Variants in NINJ2 observed in about 807,000 individuals in gnomAD.
NINJ2 encodes the protein ninjurin-2.
In NINJ2, 12 loss-of-function variants were observed where a neutral mutation model predicts 11.7. The ratio of observed to expected loss-of-function variants is 1.02; its 90% CI spans 0.66 to 1.66. The LOEUF (loss-of-function observed/expected upper bound fraction) is 1.66. Ranked by LOEUF, NINJ2 falls within the 40% of genes most tolerant of loss-of-function variation. NINJ2 has a pLI of 0.00. For synonymous variants in NINJ2, 93 were observed against 76.8 expected, an observed-to-expected ratio of 1.21 and a Z score of -1.10; for missense variants, 187 against 181.8, an observed-to-expected ratio of 1.03 and a Z score of -0.16.
At chr12:639,574 C>A (rs189266781) in intron 1 of NINJ2, among the ~76,000 whole-genome samples, 1 of 152,112 alleles carries the variant, frequency 6.6e-6, no homozygotes, top group East Asian at 1.9e-4. Flanking sequence ...GTCCCCATTG[C>A]CACCCTAACC....
intron 1 of NINJ2, chr12:643,677 G>C: frequency 1.0e-6 from 1 of 987,998 alleles, no homozygotes; most frequent in Non-Finnish European, 1.2e-6. Flanking sequence ...GCGGTCGTTT[G>C]AGCCACGCCT....
At chr12:623,249 A>G (rs1013270162) in intron 1 of NINJ2, among the ~76,000 whole-genome samples, 4 of 152,162 alleles carry the variant, frequency 2.6e-5, no homozygotes, top group Admixed American at 6.5e-5. Flanking sequence ...TTTCTGTCCT[A>G]GGAGCTGTGG....
At chr12:618,729 C>T (rs1948121700) in intron 1 of NINJ2, among the ~76,000 whole-genome samples, 1 of 152,218 alleles carries the variant, frequency 6.6e-6, no homozygotes, top group Non-Finnish European at 1.5e-5. Flanking sequence ...CTGTCTCCAT[C>T]TGCAGGGAAA....
At chr12:600,919 A>G (rs184746060) in intron 1 of NINJ2, among the ~76,000 whole-genome samples, 71 of 152,270 alleles carry the variant, frequency 4.7e-4, no homozygotes, top group Non-Finnish European at 8.1e-4. Context: ...AAAAAAATCA[A>G]TCTTGAGTTT....
intron 1 of NINJ2, among the ~76,000 whole-genome samples, chr12:577,670 G>A (rs1326726456): frequency 6.6e-6 from 1 of 151,550 alleles, no homozygotes; most frequent in East Asian, 1.9e-4. Flanking sequence ...CTCCATGTGT[G>A]CTCCTTGAAG....
intron 1 of NINJ2, among the ~76,000 whole-genome samples, chr12:658,651 CT>C (rs1937907990): frequency 9.4e-4 from 1 of 1,066 alleles, no homozygotes; most frequent in Non-Finnish European, 8.6e-3. Flanking sequence ...CTCTATTATG[CT>C]ATGCTATGCT....
At chr12:587,749 G>C (rs1947659546) in intron 1 of NINJ2, among the ~76,000 whole-genome samples, 1 of 152,208 alleles carries the variant, frequency 6.6e-6, no homozygotes, top group Non-Finnish European at 1.5e-5. Context: ...AGGATCTGTA[G>C]AGCAGATTGA....
chr12:649,389 AAAT>A (rs1244903221), intron 1 of NINJ2, among the ~76,000 whole-genome samples: 1 of 152,110 alleles, frequency 6.6e-6, no homozygotes, highest in Non-Finnish European at 1.5e-5. Context: ...CAGATACAAA[AAAT>A]AAGAGTTGTC....
intron 1 of NINJ2, among the ~76,000 whole-genome samples, chr12:602,981 TGG>T (rs1343469262): frequency 6.9e-6 from 1 of 145,524 alleles, no homozygotes; most frequent in African/African-American, 2.6e-5. Context: ...TACAGGCACA[TGG>T]CCACCATGCA....
chr12:596,978 A>T (rs1313970283), intron 1 of NINJ2, among the ~76,000 whole-genome samples: 1 of 152,152 alleles, frequency 6.6e-6, no homozygotes, highest in Non-Finnish European at 1.5e-5. Context: ...AAATAAACAT[A>T]AAAAAGTTAA....
intron 1 of NINJ2, among the ~76,000 whole-genome samples, chr12:651,954 C>T (rs1372145879): frequency 6.6e-6 from 1 of 151,988 alleles, no homozygotes; most frequent in East Asian, 1.9e-4. Context: ...AACTGTGGGA[C>T]AACTACAACA....
At chr12:579,613 G>A (rs999754055) in intron 1 of NINJ2, among the ~76,000 whole-genome samples, 5 of 152,044 alleles carry the variant, frequency 3.3e-5, no homozygotes, top group African/African-American at 4.8e-5. Context: ...CCGAGCCCAG[G>A]ACAAATACAT....
chr12:653,558 A>C (rs1354568445), intron 1 of NINJ2, among the ~76,000 whole-genome samples: 3 of 152,140 alleles, frequency 2.0e-5, no homozygotes, highest in African/African-American at 7.2e-5. Context: ...TTGAAAGTGC[A>C]CTTGGATTTG....
intron 1 of NINJ2, among the ~76,000 whole-genome samples, chr12:646,167 T>C (rs1937675839): frequency 6.6e-6 from 1 of 152,170 alleles, no homozygotes; most frequent in Non-Finnish European, 1.5e-5. Flanking sequence ...TAGTGGCAAC[T>C]TGAGGATAAG....
Position 579,339 on chromosome 12 carries a change from G to C in NINJ2, c.34-13161C>G, listed in dbSNP as rs576318173. Among the ~76,000 whole-genome samples the C allele has an allele frequency of 2.0e-5, 3 of 149,516 alleles. No individual in the cohort carries two copies. The South Asian group carries it at 6.5e-4, about 32-fold the overall frequency. ...CTACTGAGTTCAATGCAACAAACCT[G>C]TTTCCAGCTCCTAGCACGAGCTAGG... On this transcript the variant is annotated intron_variant, in intron 1 of 3. Coordinates refer to ENST00000305108, the MANE Select transcript of NINJ2 (RefSeq NM_016533.6).
At chr12:661,608 C>T (rs1428915505) in intron 1 of NINJ2, among the ~76,000 whole-genome samples, 2 of 152,224 alleles carry the variant, frequency 1.3e-5, no homozygotes, top group Non-Finnish European at 1.5e-5. Context: ...GGTTCAGATG[C>T]AGAGTCCTTA....
intron 1 of NINJ2, among the ~76,000 whole-genome samples, chr12:588,590 T>A (rs1442642094): frequency 6.6e-6 from 1 of 152,126 alleles, no homozygotes; most frequent in African/African-American, 2.4e-5. Flanking sequence ...GCCAGTAAGT[T>A]ACAGACAAAA....
At chr12:573,929 G>A (rs1565619736) in intron 1 of NINJ2, among the ~76,000 whole-genome samples, 1 of 152,152 alleles carries the variant, frequency 6.6e-6, no homozygotes, top group African/African-American at 2.4e-5. Context: ...ACATGTGAAT[G>A]AACTATCTTA....
At chr12:618,136 G>A (rs1356262501) in intron 1 of NINJ2, among the ~76,000 whole-genome samples, 5 of 150,454 alleles carry the variant, frequency 3.3e-5, no homozygotes, top group South Asian at 2.1e-4. Context: ...ATCTGAACCC[G>A]TAGGAGCTCC....
Sources: allele counts gnomAD v4.1 joint callset (sites outside exome capture counted in the v4.1 genomes callset), GRCh38; gene constraint gnomAD v4.1.1; transcripts MANE v1.5; gene names NCBI Gene and HGNC (gene_info 2026-07-23, HGNC 2026-07-21).